GSAP: variants seen among roughly 807,000 people sequenced by gnomAD.
The protein encoded by GSAP is gamma-secretase-activating protein.
In GSAP, 118 loss-of-function variants were observed where a neutral mutation model predicts 131.7. The ratio of observed to expected loss-of-function variants is 0.90; its 90% CI spans 0.77 to 1.04. The LOEUF is 1.04. GSAP is among the 50% of genes least tolerant of loss of function. The pLI, the probability that GSAP is intolerant of heterozygous loss-of-function variation, is 0.00. For missense variants in GSAP, 1,019 were observed against 1,013.2 expected, an observed-to-expected ratio of 1.01 and a Z score of -0.08; for synonymous variants, 381 against 363.4, an observed-to-expected ratio of 1.05 and a Z score of -0.55.
At chr7:77,347,630 G>C (rs1478456287) in intron 19 of GSAP, among the ~76,000 whole-genome samples, 3 of 152,126 alleles carry the variant, frequency 2.0e-5, no homozygotes, top group Non-Finnish European at 2.9e-5. Flanking sequence ...ATCCTATGGA[G>C]TCATTAGAAA....
In GSAP at chr7:77,406,085, CAT is replaced by C. The variant is rs1802215363; in HGVS notation, c.128_129del (p.Tyr43Ter). On this transcript the variant is annotated frameshift_variant, in exon 2 of 31. Transcript: ENST00000257626. LOFTEE classifies it high-confidence loss of function. ...SGGADVLEND[Y>X]ESLHVLNVER... is the part of the protein sequence containing the mutation. ...TCAACATTTAATACATGTAAGCTCT[CAT>C]AATCGTTTTCTAAAACATCTGAAAT... 1 of 1,216,288 alleles carries C rather than the reference CAT, an allele frequency of 8.2e-7. No homozygotes were observed. The highest frequency in any genetic ancestry group is 1.6e-5 in the African/African-American group (1 of 61,730). The allele number at this position is 1,216,288 out of a possible 1,614,324, so 75.3% of individuals were successfully genotyped here. A position where few individuals can be genotyped will look rare whatever the true frequency, so the allele number is the denominator to read the frequency against.
chr7:77,373,957 CAT>C (rs1173213445), intron 12 of GSAP, 111 bp downstream of exon 12: 2 of 690,478 alleles, frequency 2.9e-6, no homozygotes, highest in Non-Finnish European at 2.6e-6. Flanking sequence ...TGATCACCGA[CAT>C]AAAAATGTAG....
chr7:77,342,216 G>A (rs796356922), intron 19 of GSAP, among the ~76,000 whole-genome samples: 31 of 152,138 alleles, frequency 2.0e-4, no homozygotes, highest in African/African-American at 6.5e-4. Flanking sequence ...CATCACAGAT[G>A]CTTTTGGCAA....
chr7:77,346,966 C>G (rs1197274439), intron 19 of GSAP, among the ~76,000 whole-genome samples: 2 of 107,148 alleles, frequency 1.9e-5, no homozygotes, highest in Non-Finnish European at 3.5e-5. Flanking sequence ...CCCTGCCTTT[C>G]TGATTGCAGA....
At chr7:77,404,191 T>G (rs1465461905) in intron 3 of GSAP, among the ~76,000 whole-genome samples, 2 of 152,202 alleles carry the variant, frequency 1.3e-5, no homozygotes, top group East Asian at 3.9e-4. Flanking sequence ...GCCATAAACT[T>G]AAGAACAGCT....
intron 1 of GSAP, among the ~76,000 whole-genome samples, chr7:77,411,747 A>C (rs372639789): frequency 1.3e-5 from 2 of 152,178 alleles, no homozygotes; most frequent in East Asian, 3.9e-4. Context: ...CTTTTTTTGT[A>C]AAATCTGACA....
intron 5 of GSAP, among the ~76,000 whole-genome samples, chr7:77,388,612 T>C (rs1373456005): frequency 1.3e-5 from 2 of 152,236 alleles, no homozygotes; most frequent in East Asian, 3.8e-4. Context: ...ATTTGAGCTT[T>C]TATTGAGACT....
At chr7:77,390,999 G>A (rs934909302) in intron 5 of GSAP, among the ~76,000 whole-genome samples, 1 of 139,244 alleles carries the variant, frequency 7.2e-6, no homozygotes, top group African/African-American at 2.7e-5. Flanking sequence ...CGGGTGTGGT[G>A]GCACTCATCT....
Position 77,328,506 on chromosome 7 carries a change from G to A in GSAP, c.1765+100C>T, listed in dbSNP as rs1157705845. 7 of 1,527,886 alleles carry A rather than the reference G, an allele frequency of 4.6e-6. No individual in the cohort carries two copies. In the East Asian group the frequency reaches 1.6e-4, roughly 36 times the overall value. The allele number at this position is 1,527,886 out of a possible 1,614,324, so 94.6% of individuals were successfully genotyped here. A position where few individuals can be genotyped will look rare whatever the true frequency, so the allele number is the denominator to read the frequency against. ...AAGGTGCTGCCTGCACCACACTACT[G>A]GAAGTGATTCTCTTGCCAACCCACA... On this transcript the variant is annotated intron_variant, in intron 22 of 30. Coordinates refer to ENST00000257626, the MANE Select transcript of GSAP (RefSeq NM_017439.4).
Position 77,397,039 on chromosome 7 carries a change from A to C in GSAP, c.314-4T>G. On this transcript the variant is annotated splice_polypyrimidine_tract_variant and splice_region_variant and intron_variant, in intron 4 of 30. Coordinates refer to ENST00000257626, the MANE Select transcript of GSAP (RefSeq NM_017439.4). Reference sequence around the variant, plus strand: ...GTAGACTGAACTAAACTTGCAGCTAATGGAAAAAGAAAAAAAATCCATTAG... The same window carrying C: ...GTAGACTGAACTAAACTTGCAGCTACTGGAAAAAGAAAAAAAATCCATTAG... 1 of 1,585,782 alleles carries C rather than the reference A, an allele frequency of 6.3e-7. No homozygotes were observed. Among genetic ancestry groups the C allele is most frequent in the Non-Finnish European group, 8.6e-7 (1 of 1,159,546 alleles).
chr7:77,378,626 A>G lies in GSAP; in HGVS notation c.577-1236T>C, dbSNP rs754062558. ...AACTATGGAACATTAAAATCAGGAGATTCTAGAAACCATGCAATTCAACCC... is the reference window on the plus strand; with the variant it reads ...AACTATGGAACATTAAAATCAGGAGGTTCTAGAAACCATGCAATTCAACCC... On this transcript the variant is annotated intron_variant, in intron 8 of 30. Coordinates refer to ENST00000257626, the MANE Select transcript of GSAP (RefSeq NM_017439.4). Among the ~76,000 whole-genome samples, 39 of 152,250 alleles carry G rather than the reference A, an allele frequency of 2.6e-4. 1 individual carries two copies. The highest frequency in any genetic ancestry group is 6.8e-3 in the Middle Eastern group (2 of 294).
At chr7:77,363,124 T>C (rs755516055) in intron 12 of GSAP, among the ~76,000 whole-genome samples, 3 of 152,248 alleles carry the variant, frequency 2.0e-5, no homozygotes, top group Non-Finnish European at 4.4e-5. Context: ...ATCTATCTTA[T>C]GGGTCAGTGA....
In GSAP at chr7:77,323,583, T is replaced by C. The variant is rs750764868; in HGVS notation, c.1923+64A>G. The C allele has an allele frequency of 1.8e-5, 14 of 760,852 alleles. No individual in the cohort carries two copies. In the Admixed American group the frequency reaches 2.4e-4, roughly 13 times the overall value. The allele number at this position is 760,852 out of a possible 1,614,324, so 47.1% of individuals were successfully genotyped here. On this transcript the variant is annotated intron_variant, in intron 24 of 30. Coordinates refer to ENST00000257626, the MANE Select transcript of GSAP (RefSeq NM_017439.4). ...ACATAAATGGGTTCCCTGCACCACA[T>C]TTTCAGAACTATATGGGGAGTGGGG...
At chr7:77,324,566 C>A (rs1357978163) in intron 23 of GSAP, among the ~76,000 whole-genome samples, 1 of 152,186 alleles carries the variant, frequency 6.6e-6, no homozygotes, top group African/African-American at 2.4e-5. Flanking sequence ...ACCAAGTCCA[C>A]AACCTTCAAG....
chr7:77,377,475 T>C, intron 8 of GSAP, 85 bp from the exon 9 acceptor site: 1 of 1,389,280 alleles, frequency 7.2e-7, no homozygotes. Flanking sequence ...TTATTTTCCA[T>C]GTCTATCTTT....
chr7:77,381,034 C>G (rs1425072479), intron 8 of GSAP, among the ~76,000 whole-genome samples: 5 of 152,124 alleles, frequency 3.3e-5, no homozygotes, highest in African/African-American at 1.2e-4. Flanking sequence ...CATAGGTTTG[C>G]ACGAGCAAGG....
chr7:77,349,770 A>C (rs766674065), intron 18 of GSAP, among the ~76,000 whole-genome samples: 2 of 152,174 alleles, frequency 1.3e-5, no homozygotes, highest in Non-Finnish European at 2.9e-5. Flanking sequence ...TTCATTATCA[A>C]TACTCCTTCC....
chr7:77,326,009 C>T (rs1788287806), intron 23 of GSAP, among the ~76,000 whole-genome samples: 1 of 152,202 alleles, frequency 6.6e-6, no homozygotes, highest in Non-Finnish European at 1.5e-5. Flanking sequence ...GCATGTGTGT[C>T]TTCCCCCTTT....
intron 12 of GSAP, 150 bp downstream of exon 12, chr7:77,373,920 T>C: frequency 4.9e-6 from 3 of 615,288 alleles, no homozygotes; most frequent in Non-Finnish European, 8.7e-6. Context: ...TTAAAATTAA[T>C]GAAGATTTGA....
Sources: allele counts gnomAD v4.1 joint callset (sites outside exome capture counted in the v4.1 genomes callset), GRCh38; gene constraint gnomAD v4.1.1; transcripts MANE v1.5; gene names NCBI Gene and HGNC (gene_info 2026-07-23, HGNC 2026-07-21).